The following SEMA3B variants were observed in gnomAD, a reference collection of about 807,000 sequenced individuals.
The protein encoded by SEMA3B is semaphorin-3B.
Under a neutral mutation model 77.8 loss-of-function variants are expected in SEMA3B, and 71 were observed. That is an observed-to-expected ratio of 0.91 (90% CI 0.75 to 1.11). The LOEUF (loss-of-function observed/expected upper bound fraction) is 1.11, where lower values mean the gene tolerates loss of function less well. SEMA3B is among the 50% of genes most tolerant of loss of function. SEMA3B has a pLI of 0.00. For missense variants in SEMA3B, 968 were observed against 1,056.8 expected, an observed-to-expected ratio of 0.92 and a Z score of 1.17; for synonymous variants, 470 against 452.9, an observed-to-expected ratio of 1.04 and a Z score of -0.48.
rs781860612 is a variant in SEMA3B, at chr3:50,274,877, C to T, written c.1392C>T (p.Pro464=). 1.2e-6 allele frequency: 2 copies of T among 1,611,272 alleles called. No individual in the cohort carries two copies. The highest frequency in any genetic ancestry group is 2.2e-5 in the South Asian group (2 of 90,892). Residue 464 remains proline (P), a synonymous_variant, in exon 12 of 17, where the codon CCC becomes CCT. Transcript: ENST00000616701. The surrounding 1 kb of genome is among the most constrained non-coding windows in gnomAD (Gnocchi z 4.7). Reference sequence around the variant, plus strand: ...CGGTGCTGAAGGTGATCTCGGTCCCCAAGGGCAGTAGGCCCAGCGCAGAGG... The same window carrying T: ...CGGTGCTGAAGGTGATCTCGGTCCCTAAGGGCAGTAGGCCCAGCGCAGAGG... The part of the protein sequence containing the change: ...VGTVLKVISV[P]KGSRPSAEGL...
Position 50,275,609 on chromosome 3 carries a change from T to C in SEMA3B, c.1699T>C (p.Ser567Pro). The C allele has an allele frequency of 6.2e-7, 1 of 1,613,644 alleles. No individual in the cohort carries two copies. The highest frequency in any genetic ancestry group is 8.5e-7 in the Non-Finnish European group (1 of 1,179,866). The part of the protein sequence containing the change: ...VRNGDPSTLC[S>P]GDSSRPALLE... ...GAATGGCGACCCCAGCACGTTGTGC[T>C]CCGGAGGTGAGTGCCCCAGCTGCCC... is the stretch of plus-strand genomic sequence containing the variant. The change falls in exon 15 of 17, where the codon TCC becomes CCC. Residue 567 changes from serine (S) to proline (P), a missense_variant. Ser to Pro is a moderately conservative substitution (Grantham distance 74). Coordinates refer to ENST00000616701, the MANE Select transcript of SEMA3B (RefSeq NM_001290060.2). The surrounding 1 kb of genome is among the most constrained non-coding windows in gnomAD (Gnocchi z 7.5).
chr3:50,270,483 G>T lies in SEMA3B; in HGVS notation c.318G>T (p.Gly106=). The part of the protein sequence containing the change: ...VEWREECNWA[G]KDIGTECMNF... Reference sequence around the variant, plus strand: ...GGCGAGAGGAGTGCAACTGGGCAGGGAAGGACATTGGTGTGAGTGCCAGCT... The same window carrying T: ...GGCGAGAGGAGTGCAACTGGGCAGGTAAGGACATTGGTGTGAGTGCCAGCT... The change falls in exon 3 of 17, where the codon GGG becomes GGT. Residue 106 remains glycine (G), a synonymous_variant. Coordinates refer to ENST00000616701, the MANE Select transcript of SEMA3B (RefSeq NM_001290060.2). This position sits in a 1 kb window ranked among gnomAD's most constrained non-coding sequence, Gnocchi z 4.7. 1.2e-6 allele frequency: 2 copies of T among 1,613,612 alleles called. No individual in the cohort carries two copies. The highest frequency in any genetic ancestry group is 1.7e-6 in the Non-Finnish European group (2 of 1,179,854).
At chr3:50,263,914 G>A (rs1700862759), upstream of SEMA3B, among the ~76,000 whole-genome samples, 1 of 151,954 alleles carries the variant, frequency 6.6e-6, no homozygotes, top group African/African-American at 2.4e-5. Context: ...TTGTACTGAG[G>A]TGGCCGGGAG....
In SEMA3B at chr3:50,275,384, A is replaced by C. The variant is rs1312541008; in HGVS notation, c.1574A>C (p.Glu525Ala). The change falls in exon 14 of 17, where the codon GAA (glutamate) becomes GCA (alanine). Residue 525 changes from glutamate (E) to alanine (A), a missense_variant. By Grantham distance (107) the Glu-to-Ala change is moderately radical (BLOSUM62 -1). Transcript: ENST00000616701. This position sits in a 1 kb window ranked among gnomAD's most constrained non-coding sequence, Gnocchi z 7.5. ...GCTGCCCACGGCCGCGTCTGCACCGAATGCTGTCTGGCGCGTGACCCCTAC... is the reference window on the plus strand; with the variant it reads ...GCTGCCCACGGCCGCGTCTGCACCGCATGCTGTCTGGCGCGTGACCCCTAC... ...RCAAHGRVCT[E>A]CCLARDPYCA... 1 of 1,591,396 alleles carries C rather than the reference A, an allele frequency of 6.3e-7. No homozygotes were observed. Among genetic ancestry groups the C allele is most frequent in the East Asian group, 2.3e-5 (1 of 43,374 alleles).
Position 50,274,303 on chromosome 3 carries a change from G to A in SEMA3B, c.1138-60G>A. The A allele has an allele frequency of 7.5e-7, 1 of 1,338,176 alleles. No individual in the cohort carries two copies. Among genetic ancestry groups the A allele is most frequent in the Non-Finnish European group, 1.0e-6 (1 of 983,966 alleles). 82.9% of individuals were successfully genotyped at this position (1,338,176 alleles called of 1,614,324 possible). A position where few individuals can be genotyped will look rare whatever the true frequency, so the allele number is the denominator to read the frequency against. ...TGTTCCCAGAGGCTGGGCATGGAGGGCTGCCTATCAAGCCCCCATATCTAT... is the reference window on the plus strand; with the variant it reads ...TGTTCCCAGAGGCTGGGCATGGAGGACTGCCTATCAAGCCCCCATATCTAT... On this transcript the variant is annotated intron_variant, in intron 10 of 16. Transcript: ENST00000616701. This position sits in a 1 kb window ranked among gnomAD's most constrained non-coding sequence, Gnocchi z 4.7.
Position 50,270,933 on chromosome 3 carries a change from G to T in SEMA3B, c.374G>T (p.Arg125Leu), listed in dbSNP as rs782701806. 1 of 1,611,110 alleles carries T rather than the reference G, an allele frequency of 6.2e-7. No individual in the cohort carries two copies. The highest frequency in any genetic ancestry group is 8.5e-7 in the Non-Finnish European group (1 of 1,178,724). Residue 125 changes from arginine to leucine, a missense_variant, in exon 4 of 17, where the codon CGC (arginine) becomes CTC (leucine). Transcript: ENST00000616701. This position sits in a 1 kb window ranked among gnomAD's most constrained non-coding sequence, Gnocchi z 4.7. ...GTGAAGTTGCTGCATGCCTACAACC[G>T]CACCCATTTGCTGGCCTGTGGCACG... ...NFVKLLHAYN[R>L]THLLACGTGA...
In SEMA3B at chr3:50,275,213, A is replaced by C; in HGVS notation, c.1492-89A>C. ...TGAGGCGTAAGACCTCAGTGTTCCC[A>C]TCTGTCGAGTGGAAGAAGGGATCCC... On this transcript the variant is annotated intron_variant, in intron 13 of 16. Transcript: ENST00000616701. This position sits in a 1 kb window ranked among gnomAD's most constrained non-coding sequence, Gnocchi z 7.5. The C allele has an allele frequency of 6.8e-7, 1 of 1,462,918 alleles. No individual in the cohort carries two copies. Among genetic ancestry groups the C allele is most frequent in the Non-Finnish European group, 9.1e-7 (1 of 1,101,808 alleles). 90.6% of individuals were successfully genotyped at this position (1,462,918 alleles called of 1,614,324 possible). A position where few individuals can be genotyped will look rare whatever the true frequency, so the allele number is the denominator to read the frequency against.
upstream of SEMA3B, among the ~76,000 whole-genome samples, chr3:50,266,032 G>C (rs1446788165): frequency 1.3e-5 from 2 of 152,102 alleles, no homozygotes; most frequent in Non-Finnish European, 1.5e-5. Flanking sequence ...GTGGCGGGGG[G>C]GTTTCTGATA....
At chr3:50,263,669 G>T (rs1700860134), upstream of SEMA3B, among the ~76,000 whole-genome samples, 1 of 151,990 alleles carries the variant, frequency 6.6e-6, no homozygotes, top group Non-Finnish European at 1.5e-5. Flanking sequence ...TGACCCCAGG[G>T]ATACAGCCTG....
chr3:50,276,108 C>G lies in SEMA3B; in HGVS notation c.1846-194C>G. The G allele has an allele frequency of 1.2e-6, 1 of 813,858 alleles. No homozygotes were observed. The highest frequency in any genetic ancestry group is 1.8e-6 in the Non-Finnish European group (1 of 550,796). The allele number at this position is 813,858 out of a possible 1,614,324, so 50.4% of individuals were successfully genotyped here. Reference sequence around the variant, plus strand: ...CCACCCCCCACCAAGTTCATGTAAACCCCGCCTCTTTCGGATTCTCCCTTG... The same window carrying G: ...CCACCCCCCACCAAGTTCATGTAAAGCCCGCCTCTTTCGGATTCTCCCTTG... On this transcript the variant is annotated intron_variant, in intron 16 of 16. Transcript: ENST00000616701. This position sits in a 1 kb window ranked among gnomAD's most constrained non-coding sequence, Gnocchi z 5.8.
the SEMA3B span, chr3:50,260,553 G>C: frequency 2.0e-5 from 3 of 152,414 alleles, no homozygotes; most frequent in Admixed American, 2.0e-4. Flanking sequence ...AGGATCCTGC[G>C]CCCAACCCAG....
rs1553706128 is a variant in SEMA3B, at chr3:50,274,528, G to A, written c.1303G>A (p.Ala435Thr). The A allele has an allele frequency of 1.3e-6, 2 of 1,571,158 alleles. No homozygotes were observed. Residue 435 changes from alanine to threonine, a missense_variant, in exon 11 of 17, where the codon GCG becomes ACG. By Grantham distance (58) the Ala-to-Thr change is moderately conservative. Coordinates refer to ENST00000616701, the MANE Select transcript of SEMA3B (RefSeq NM_001290060.2). The surrounding 1 kb of genome is among the most constrained non-coding windows in gnomAD (Gnocchi z 4.7). ...CAATTACACCTTCACTCAAATTGCC[G>A]CGGACCGGGTTGCAGCCGCTGACGG... Reference protein sequence around the residue: ...GANYTFTQIAADRVAAADGHY... With the variant: ...GANYTFTQIATDRVAAADGHY...
chr3:50,269,493 CA>C lies in SEMA3B; in HGVS notation c.109+145del. The stretch of plus-strand genomic sequence containing the variant: ...GTAGGATTAGTGGGCACTCTCAGGC[CA>C]CCTCCAGTTAACCCTGTCCGGGCCT... On this transcript the variant is annotated intron_variant, in intron 1 of 16. Coordinates refer to ENST00000616701, the MANE Select transcript of SEMA3B (RefSeq NM_001290060.2). This position sits in a 1 kb window ranked among gnomAD's most constrained non-coding sequence, Gnocchi z 4.0. 1.7e-6 allele frequency: 1 copy of C among 596,352 alleles called. No individual in the cohort carries two copies. Among genetic ancestry groups the C allele is most frequent in the Non-Finnish European group, 2.9e-6 (1 of 340,474 alleles). 36.9% of individuals were successfully genotyped at this position (596,352 alleles called of 1,614,324 possible). A position where few individuals can be genotyped will look rare whatever the true frequency, so the allele number is the denominator to read the frequency against.
In SEMA3B at chr3:50,271,492, G is replaced by A. The variant is rs1553705402; in HGVS notation, c.664+12G>A. Reference sequence around the variant, plus strand: ...CCGCTGGCTCAATGGTGAGAGGCTGGTGGGGTTGGTGGGTAGAGGTCGTCA... The same window carrying A: ...CCGCTGGCTCAATGGTGAGAGGCTGATGGGGTTGGTGGGTAGAGGTCGTCA... On this transcript the variant is annotated intron_variant, in intron 6 of 16. Transcript: ENST00000616701. 2.6e-6 allele frequency: 4 copies of A among 1,555,218 alleles called. No homozygotes were observed. The highest frequency in any genetic ancestry group is 2.4e-5 in the East Asian group (1 of 41,202).
In SEMA3B at chr3:50,271,343, C is replaced by A. The variant is rs782002819; in HGVS notation, c.545-18C>A. On this transcript the variant is annotated intron_variant, in intron 5 of 16. Coordinates refer to ENST00000616701, the MANE Select transcript of SEMA3B (RefSeq NM_001290060.2). ...AAGAGCCCTCCATTTGCCTGAGTGG[C>A]CCTTGCTCTGTCTGCAGGGGAGGAG... The A allele has an allele frequency of 7.7e-6, 12 of 1,560,744 alleles. No individual in the cohort carries two copies. The highest frequency in any genetic ancestry group is 1.4e-5 in the African/African-American group (1 of 73,496).
Position 50,277,070 on chromosome 3 carries a change from G to C in SEMA3B, c.*364G>C. 3 of 273,216 alleles carry C rather than the reference G, an allele frequency of 1.1e-5. No homozygotes were observed. Among genetic ancestry groups the C allele is most frequent in the Non-Finnish European group, 2.1e-5 (3 of 145,870 alleles). 16.9% of individuals were successfully genotyped at this position (273,216 alleles called of 1,614,324 possible). A position where few individuals can be genotyped will look rare whatever the true frequency, so the allele number is the denominator to read the frequency against. On this transcript the variant is annotated 3_prime_UTR_variant, in exon 17 of 17. Transcript: ENST00000616701. The stretch of plus-strand genomic sequence containing the variant: ...GCAGTGAGCAGAAAGCTGTGAACAG[G>C]CTGGGCTGCTGGAGGTGGGGCGAGG...
chr3:50,273,810 C>T lies in SEMA3B; in HGVS notation c.974C>T (p.Ala325Val), dbSNP rs782035416. The T allele has an allele frequency of 3.2e-6, 5 of 1,582,324 alleles. No individual in the cohort carries two copies. Among genetic ancestry groups the T allele is most frequent in the East Asian group, 2.3e-5 (1 of 42,912 alleles). ...GACCACCGGACCCCGCTGCTCTATG[C>T]CGTCTTCTCCACGTCCAGGTGAGGG... ...SRDHRTPLLY[A>V]VFSTSSSIFQ... The change falls in exon 9 of 17, where the codon GCC becomes GTC. Residue 325 changes from alanine (A) to valine (V), a missense_variant. Transcript: ENST00000616701. This position sits in a 1 kb window ranked among gnomAD's most constrained non-coding sequence, Gnocchi z 6.5.
upstream of SEMA3B, among the ~76,000 whole-genome samples, chr3:50,265,015 G>C (rs1553704302): frequency 2.0e-5 from 3 of 152,180 alleles, no homozygotes; most frequent in Non-Finnish European, 1.5e-5. Context: ...GTTCTGACAG[G>C]GCCCTCAGAA....
At position 50,276,537 on chromosome 3, in the gene SEMA3B, A is replaced by T. The variant is rs1200569562; in HGVS notation, c.2081A>T (p.Gln694Leu). 2.0e-6 allele frequency: 3 copies of T among 1,535,474 alleles called. No homozygotes were observed. Among genetic ancestry groups the T allele is most frequent in the African/African-American group, 1.4e-5 (1 of 72,678 alleles). Residue 694 changes from glutamine (Q) to leucine (L), a missense_variant, in exon 17 of 17, where the codon CAG becomes CTG. Physicochemically the swap from Gln to Leu is moderately radical, Grantham distance 113 (BLOSUM62 -2). Transcript: ENST00000616701. The surrounding 1 kb of genome is among the most constrained non-coding windows in gnomAD (Gnocchi z 5.8). Reference protein sequence around the residue: ...GPKLWYRDFLQLVEPGGGGSA... With the variant: ...GPKLWYRDFLLLVEPGGGGSA... Reference sequence around the variant, plus strand: ...AAACTCTGGTACCGGGACTTTCTGCAGCTGGTGGAGCCGGGCGGAGGTGGC... The same window carrying T: ...AAACTCTGGTACCGGGACTTTCTGCTGCTGGTGGAGCCGGGCGGAGGTGGC...
Sources: gnomAD v4.1 joint callset for allele counts (sites outside exome capture counted in the v4.1 genomes callset) on GRCh38, gnomAD v4.1.1 for gene constraint, Gnocchi (gnomAD v3.1) non-coding constraint, MANE v1.5 for transcripts, NCBI Gene and HGNC (gene_info 2026-07-23, HGNC 2026-07-21) for gene names.